The following ZMIZ2 variants were observed in gnomAD, a reference collection of about 807,000 sequenced individuals.
ZMIZ2 encodes the protein zinc finger MIZ domain-containing protein 2.
In ZMIZ2, 26 loss-of-function variants were observed where a neutral mutation model predicts 93.9. That is an observed-to-expected ratio of 0.28 (90% CI 0.20 to 0.38). The LOEUF (loss-of-function observed/expected upper bound fraction) is 0.38. ZMIZ2 is among the 10% of genes least tolerant of loss of function. ZMIZ2 has a pLI of 1.00. For synonymous variants in ZMIZ2, 485 were observed against 516.4 expected (o/e 0.94, Z 0.82); for missense variants, 1,023 against 1,235.0 (o/e 0.83, Z 2.57).
rs1791364763 is a variant in ZMIZ2 at position 44,763,024 on chromosome 7, C to T, written c.1702+38C>T. ...TGCCCCTCAGCTGCCAGGCAGCCAT[C>T]CCCATTCTGTGTGGCCCAAGCCCAA... On this transcript the variant is annotated intron_variant, in intron 12 of 18. Coordinates refer to ENST00000309315, the MANE Select transcript of ZMIZ2 (RefSeq NM_031449.4). This position sits in a 1 kb window ranked among gnomAD's most constrained non-coding sequence, Gnocchi z 5.6. The T allele has an allele frequency of 1.3e-6, 2 of 1,579,282 alleles. No homozygotes were observed. Among genetic ancestry groups the T allele is most frequent in the Non-Finnish European group, 1.7e-6 (2 of 1,156,424 alleles).
At chr7:44,750,944 A>T (rs1040608252) in intron 1 of ZMIZ2, 9 of 152,236 alleles carry the variant, frequency 5.9e-5, no homozygotes, top group African/African-American at 2.2e-4. Context: ...CTGCACACAC[A>T]CAACGCAGAA....
At chr7:44,757,232 G>A in intron 4 of ZMIZ2, 83 bp downstream of exon 4, 1 of 1,511,594 alleles carries the variant, frequency 6.6e-7, no homozygotes, top group Non-Finnish European at 8.8e-7. Context: ...TGATCAGCTG[G>A]ACGTTCCCTC....
chr7:44,766,760 C>T lies in ZMIZ2; in HGVS notation c.2655+97C>T. The T allele has an allele frequency of 1.9e-6, 3 of 1,543,902 alleles. No individual in the cohort carries two copies. In the Admixed American group the frequency reaches 5.9e-5, roughly 30 times the overall value. On this transcript the variant is annotated intron_variant, in intron 18 of 18. Coordinates refer to ENST00000309315, the MANE Select transcript of ZMIZ2 (RefSeq NM_031449.4). This position sits in a 1 kb window ranked among gnomAD's most constrained non-coding sequence, Gnocchi z 4.4. ...GTTCTGGAAGGGAAGACAGTGACCC[C>T]TCAGAGAGCCGGTCAGATAAGGTCA... is the stretch of plus-strand genomic sequence containing the variant.
At position 44,761,406 on chromosome 7, in the gene ZMIZ2, G is replaced by C; in HGVS notation, c.1241-43G>C. 1 of 1,601,572 alleles carries C rather than the reference G, an allele frequency of 6.2e-7. No individual in the cohort carries two copies. Among genetic ancestry groups the C allele is most frequent in the Non-Finnish European group, 8.5e-7 (1 of 1,176,572 alleles). The stretch of plus-strand genomic sequence containing the variant: ...CTCCTTGAGTGACACAAGACGCTCT[G>C]GCTGGGGCAACCCAGCTCACAGCCA... On this transcript the variant is annotated intron_variant, in intron 9 of 18. Coordinates refer to ENST00000309315, the MANE Select transcript of ZMIZ2 (RefSeq NM_031449.4). The surrounding 1 kb of genome is among the most constrained non-coding windows in gnomAD (Gnocchi z 5.8).
chr7:44,759,111 G>T (rs1790905821), intron 6 of ZMIZ2, among the ~76,000 whole-genome samples, 170 bp from the exon 7 acceptor site: 1 of 130,386 alleles, frequency 7.7e-6, no homozygotes, highest in Non-Finnish European at 1.6e-5. Context: ...AAAAAAACAG[G>T]CTTCTGCATG....
At position 44,757,131 on chromosome 7, in the gene ZMIZ2, C is replaced by T. The variant is rs1308275783; in HGVS notation, c.350C>T (p.Ala117Val). 1.3e-6 allele frequency: 2 copies of T among 1,593,606 alleles called. No homozygotes were observed. The highest frequency in any genetic ancestry group is 1.7e-6 in the Non-Finnish European group (2 of 1,175,486). The part of the protein sequence containing the change: ...GVYSRGGYPG[A>V]PGFTTGYAGG... ...TACAGCCGCGGGGGCTACCCTGGGG[C>T]CCCCGGCTTCACCACCGGGTAAGCA... Residue 117 changes from alanine (A) to valine (V), a missense_variant, in exon 4 of 19, where the codon GCC (alanine) becomes GTC (valine). By Grantham distance (64) the Ala-to-Val change is moderately conservative. Around this residue, in one of 3 missense-constraint regions of ZMIZ2, gnomAD observed 656 missense variants for 777.1 expected, o/e 0.84. Coordinates refer to ENST00000309315, the MANE Select transcript of ZMIZ2 (RefSeq NM_031449.4).
At position 44,756,947 on chromosome 7, in the gene ZMIZ2, G is replaced by GT; in HGVS notation, c.170dup (p.Leu57PhefsTer40). Reference sequence around the variant, plus strand: ...TTTGGTGATTCCTGCTTCCTCATAGGTTTTGGGGAACCCCATGGGCCCTGC... The same window carrying GT: ...TTTGGTGATTCCTGCTTCCTCATAGGTTTTTGGGGAACCCCATGGGCCCTGC... On this transcript the variant is annotated frameshift_variant and splice_region_variant, in exon 4 of 19. Coordinates refer to ENST00000309315, the MANE Select transcript of ZMIZ2 (RefSeq NM_031449.4). LOFTEE classifies it high-confidence loss of function. 1 of 1,609,104 alleles carries GT rather than the reference G, an allele frequency of 6.2e-7. No homozygotes were observed. Among genetic ancestry groups the GT allele is most frequent in the Non-Finnish European group, 8.5e-7 (1 of 1,178,646 alleles).
chr7:44,762,745 C>T, intron 11 of ZMIZ2, 136 bp from the exon 12 acceptor site: 1 of 605,592 alleles, frequency 1.7e-6, no homozygotes, highest in Non-Finnish European at 2.7e-6. Context: ...ATCCCCACCC[C>T]CAGCTCACCC....
chr7:44,759,567 G>C (rs1464425491), intron 7 of ZMIZ2, 107 bp downstream of exon 7: 1 of 892,930 alleles, frequency 1.1e-6, no homozygotes, highest in Non-Finnish European at 1.4e-6. Flanking sequence ...GGCTAAAGGG[G>C]CCAGCAGGAT....
At position 44,766,645 on chromosome 7, in the gene ZMIZ2, C is replaced by A; in HGVS notation, c.2637C>A (p.Ala879=). Residue 879 remains alanine, a synonymous_variant, in exon 18 of 19, where the codon GCC becomes GCA. Transcript: ENST00000309315. This position sits in a 1 kb window ranked among gnomAD's most constrained non-coding sequence, Gnocchi z 4.4. The part of the protein sequence containing the change: ...GPPSMSGAGE[A]PEPALDLLPE... ...CCAGCATGTCTGGAGCCGGGGAGGCCCCAGAACCAGCTCTGGACGTGAGTA... is the reference window on the plus strand; with the variant it reads ...CCAGCATGTCTGGAGCCGGGGAGGCACCAGAACCAGCTCTGGACGTGAGTA... 1.2e-6 allele frequency: 2 copies of A among 1,613,116 alleles called. No homozygotes were observed. Among genetic ancestry groups the A allele is most frequent in the Non-Finnish European group, 1.7e-6 (2 of 1,180,000 alleles).
chr7:44,758,364 G>C (rs1043511272), intron 6 of ZMIZ2, among the ~76,000 whole-genome samples: 1 of 151,940 alleles, frequency 6.6e-6, no homozygotes, highest in African/African-American at 2.4e-5. Flanking sequence ...ATAGCTACTT[G>C]GGAGGCAGAG....
chr7:44,757,675 A>C lies in ZMIZ2; in HGVS notation c.552+114A>C, dbSNP rs1177023613. ...AGCATGGAATATGCCAGGGCTCATGAAGCCAGTAAAAGAGAGATGTGTGGG... is the reference window on the plus strand; with the variant it reads ...AGCATGGAATATGCCAGGGCTCATGCAGCCAGTAAAAGAGAGATGTGTGGG... On this transcript the variant is annotated intron_variant, in intron 5 of 18. Coordinates refer to ENST00000309315, the MANE Select transcript of ZMIZ2 (RefSeq NM_031449.4). 19 of 1,452,842 alleles carry C rather than the reference A, an allele frequency of 1.3e-5. No individual in the cohort carries two copies. In the South Asian group the frequency reaches 2.2e-4, roughly 17 times the overall value. The allele number at this position is 1,452,842 out of a possible 1,614,324, so 90.0% of individuals were successfully genotyped here.
At chr7:44,751,311 G>A (rs1178673847) in intron 1 of ZMIZ2, among the ~76,000 whole-genome samples, 1 of 152,234 alleles carries the variant, frequency 6.6e-6, no homozygotes, top group East Asian at 1.9e-4. Flanking sequence ...CTGCAAACTT[G>A]TTAGAAATTC....
intron 8 of ZMIZ2, 85 bp downstream of exon 8, chr7:44,760,313 G>A: frequency 6.4e-7 from 1 of 1,565,632 alleles, no homozygotes; most frequent in East Asian, 2.3e-5. Flanking sequence ...CACCCCTGGG[G>A]CCGCCTCCTG....
Position 44,766,467 on chromosome 7 carries a change from C to G in ZMIZ2, c.2459C>G (p.Pro820Arg), listed in dbSNP as rs760184422. Residue 820 changes from proline to arginine, a missense_variant, in exon 18 of 19, where the codon CCA becomes CGA. Around this residue, in one of 3 missense-constraint regions of ZMIZ2, gnomAD observed 319 missense variants for 358.8 expected, o/e 0.89. Coordinates refer to ENST00000309315, the MANE Select transcript of ZMIZ2 (RefSeq NM_031449.4). The surrounding 1 kb of genome is among the most constrained non-coding windows in gnomAD (Gnocchi z 4.4). ...GACCCCACTCACAATCCTGGGACAC[C>G]AGGACTACACACCTCCAACCTTGGG... ...HLDPTHNPGT[P>R]GLHTSNLGAP... The G allele has an allele frequency of 1.2e-6, 2 of 1,614,042 alleles. No homozygotes were observed. Among genetic ancestry groups the G allele is most frequent in the African/African-American group, 2.7e-5 (2 of 74,942 alleles).
At position 44,769,509 on chromosome 7, in the gene ZMIZ2, C is replaced by G. The variant is rs1319817734; in HGVS notation, c.*1886C>G. 2.0e-5 allele frequency: 3 copies of G among 152,744 alleles called. No homozygotes were observed. The highest frequency in any genetic ancestry group is 2.9e-5 in the Non-Finnish European group (2 of 68,108). The allele number at this position is 152,744 out of a possible 1,614,324, so 9.5% of individuals were successfully genotyped here. Reference sequence around the variant, plus strand: ...GAAGTGGAGGAAACAAAAGAAGCAGCAGCACGCACAGTCCTGTCGCTGGGT... The same window carrying G: ...GAAGTGGAGGAAACAAAAGAAGCAGGAGCACGCACAGTCCTGTCGCTGGGT... On this transcript the variant is annotated 3_prime_UTR_variant, in exon 19 of 19. Transcript: ENST00000309315.
Position 44,763,532 on chromosome 7 carries a change from CAGGACAGGCCTCCCACGCCAAGG to C in ZMIZ2, c.1860+123_1860+145del. 7.1e-7 allele frequency: 1 copy of C among 1,399,296 alleles called. No individual in the cohort carries two copies. Among genetic ancestry groups the C allele is most frequent in the Non-Finnish European group, 9.6e-7 (1 of 1,037,118 alleles). The allele number at this position is 1,399,296 out of a possible 1,614,324, so 86.7% of individuals were successfully genotyped here. Reference sequence around the variant, plus strand: ...CCGAGTGCCTTGGCTGTCAGGCTGACAGGACAGGCCTCCCACGCCAAGGAGGCAGGTGGGCCTGGCTCCCCCAA... The same window carrying C: ...CCGAGTGCCTTGGCTGTCAGGCTGACAGGCAGGTGGGCCTGGCTCCCCCAA... On this transcript the variant is annotated intron_variant, in intron 13 of 18. Transcript: ENST00000309315. This position sits in a 1 kb window ranked among gnomAD's most constrained non-coding sequence, Gnocchi z 5.6.
At chr7:44,764,607 C>A in intron 14 of ZMIZ2, 121 bp downstream of exon 14, 1 of 1,170,800 alleles carries the variant, frequency 8.5e-7, no homozygotes, top group Non-Finnish European at 1.2e-6. Flanking sequence ...ACTGCATGGA[C>A]TGGGGTTGTG....
chr7:44,762,843 C>T (rs1791342420), intron 11 of ZMIZ2, 38 bp from the exon 12 acceptor site: 1 of 1,561,768 alleles, frequency 6.4e-7, no homozygotes, highest in African/African-American at 1.4e-5. Context: ...GGCCCCTGGC[C>T]CAAGTCCCCC....
Sources: allele counts gnomAD v4.1 joint callset (sites outside exome capture counted in the v4.1 genomes callset), GRCh38; gene constraint gnomAD v4.1.1; regional missense constraint gnomAD v4.1.1; non-coding constraint Gnocchi (gnomAD v3.1); transcripts MANE v1.5; gene names NCBI Gene and HGNC (gene_info 2026-07-23, HGNC 2026-07-21).